Variants in KAZN observed in about 807,000 individuals in gnomAD.
KAZN encodes kazrin.
Under a neutral mutation model 87.4 loss-of-function variants are expected in KAZN, and 40 were observed. The observed-to-expected ratio is 0.46, with a 90% confidence interval of 0.36 to 0.60. The LOEUF is 0.60. Among genes scored for constraint, KAZN ranks in the 20% least tolerant of loss-of-function variants. KAZN has a pLI of 0.00. For synonymous variants in KAZN, 466 were observed against 458.3 expected (o/e 1.02, Z -0.22); for missense variants, 898 against 1,073.9 (o/e 0.84, Z 2.29).
intron 8 of KAZN, among the ~76,000 whole-genome samples, chr1:15,079,129 G>A (rs1639887050): frequency 1.3e-5 from 2 of 152,112 alleles, no homozygotes; most frequent in Admixed American, 1.3e-4. Context: ...TTGGCATCTG[G>A]CTCAGTGGTG....
At chr1:14,379,408 C>A (rs1355547992) in intron 2 of KAZN, among the ~76,000 whole-genome samples, 1 of 152,094 alleles carries the variant, frequency 6.6e-6, no homozygotes, top group African/African-American at 2.4e-5. Context: ...ACCTGCTCAG[C>A]CACAGAGAAG....
intron 1 of KAZN, among the ~76,000 whole-genome samples, chr1:14,694,590 C>A (rs894952304): frequency 3.3e-5 from 5 of 152,188 alleles, no homozygotes; most frequent in African/African-American, 1.2e-4. Context: ...AAATGACCAT[C>A]TAGGAGGAAG....
chr1:14,904,051 G>A (rs912277204), intron 1 of KAZN, among the ~76,000 whole-genome samples: 10 of 152,100 alleles, frequency 6.6e-5, no homozygotes, highest in Admixed American at 3.3e-4. Context: ...ACTGGTCAAC[G>A]GGTTGGTTAG....
At chr1:15,090,160 A>G (rs1005542620) in intron 8 of KAZN, among the ~76,000 whole-genome samples, 1 of 152,276 alleles carries the variant, frequency 6.6e-6, no homozygotes, top group Non-Finnish European at 1.5e-5. Context: ...GGAGGCTTCA[A>G]GGAATCTGCC....
At chr1:14,125,210 C>T (rs899304535) in intron 1 of KAZN, among the ~76,000 whole-genome samples, 1 of 152,142 alleles carries the variant, frequency 6.6e-6, no homozygotes, top group Non-Finnish European at 1.5e-5. Context: ...TGGCCTCTAC[C>T]CACTGGATGT....
At chr1:14,294,790 G>A (rs2100758418) in intron 2 of KAZN, among the ~76,000 whole-genome samples, 1 of 151,746 alleles carries the variant, frequency 6.6e-6, no homozygotes, top group African/African-American at 2.4e-5. Context: ...ACTCATGAGT[G>A]CTTTATGAAG....
At chr1:14,199,046 G>A (rs1425166126) in intron 2 of KAZN, among the ~76,000 whole-genome samples, 1 of 152,166 alleles carries the variant, frequency 6.6e-6, no homozygotes, top group African/African-American at 2.4e-5. Flanking sequence ...GTGACAGGTC[G>A]ATGATATGGG....
chr1:14,369,070 C>T (rs987726929), intron 2 of KAZN, among the ~76,000 whole-genome samples: 9 of 152,184 alleles, frequency 5.9e-5, no homozygotes, highest in Admixed American at 5.2e-4. Context: ...AGCTCACTAG[C>T]AACTGCTAGA....
At chr1:14,964,212 C>T (rs955231925) in intron 2 of KAZN, among the ~76,000 whole-genome samples, 1 of 152,144 alleles carries the variant, frequency 6.6e-6, no homozygotes, top group Non-Finnish European at 1.5e-5. Flanking sequence ...CTTTAACCTC[C>T]CTGCCCCATG....
chr1:14,049,097 A>T (rs1200813379), intron 1 of KAZN, among the ~76,000 whole-genome samples: 1 of 152,198 alleles, frequency 6.6e-6, no homozygotes, highest in Admixed American at 6.5e-5. Flanking sequence ...TGAATTAAGA[A>T]AATGTGGCAC....
intron 4 of KAZN, among the ~76,000 whole-genome samples, chr1:15,054,518 G>T (rs1018309813): frequency 5.3e-5 from 8 of 152,058 alleles, no homozygotes; most frequent in African/African-American, 1.4e-4. Flanking sequence ...TGGGCATGGT[G>T]GCAGGCGCCT....
Position 14,119,328 on chromosome 1 carries a change from G to A in KAZN, c.92-61107G>A, listed in dbSNP as rs548962720. On this transcript the variant is annotated intron_variant, in intron 1 of 16. Transcript: ENST00000636203. ...TCATAAGCTCAGCCCAGAAGCTCTGGGCAGATAAGAGACTTAAGTCAATTG... is the reference window on the plus strand; with the variant it reads ...TCATAAGCTCAGCCCAGAAGCTCTGAGCAGATAAGAGACTTAAGTCAATTG... Among the ~76,000 whole-genome samples, 251 of 152,198 alleles carry A rather than the reference G, an allele frequency of 1.6e-3. 3 individuals are homozygous for A. Among genetic ancestry groups the A allele is most frequent in the Non-Finnish European group, 2.9e-3 (195 of 68,002 alleles).
At chr1:14,925,119 A>T (rs564626873) in intron 1 of KAZN, among the ~76,000 whole-genome samples, 1 of 152,344 alleles carries the variant, frequency 6.6e-6, no homozygotes, top group Admixed American at 6.5e-5. Context: ...AAACGCAGTG[A>T]TCTAATTGCG....
At chr1:14,977,857 C>A (rs1665807529) in intron 2 of KAZN, among the ~76,000 whole-genome samples, 1 of 150,482 alleles carries the variant, frequency 6.6e-6, no homozygotes, top group African/African-American at 2.5e-5. Flanking sequence ...GTCTCTTAAG[C>A]CTTGCACCTG....
intron 1 of KAZN, among the ~76,000 whole-genome samples, chr1:14,030,396 C>T (rs1641267443): frequency 1.6e-5 from 2 of 125,226 alleles, no homozygotes; most frequent in East Asian, 2.3e-4. Context: ...CACATGGACA[C>T]GGGAAGGGGA....
At chr1:14,211,822 GC>G in intron 2 of KAZN, among the ~76,000 whole-genome samples, 1 of 151,982 alleles carries the variant, frequency 6.6e-6, no homozygotes, top group Non-Finnish European at 1.5e-5. Flanking sequence ...TTAACCCCAA[GC>G]TTTTTTTTTT....
At chr1:14,999,494 G>GCCC (rs1425034118) in intron 2 of KAZN, among the ~76,000 whole-genome samples, 6 of 132,788 alleles carry the variant, frequency 4.5e-5, no homozygotes, top group African/African-American at 1.8e-4. Context: ...GGCATTGCCT[G>GCCC]CCCCCCTCCC....
chr1:14,628,028 C>G (rs184634897), intron 1 of KAZN, among the ~76,000 whole-genome samples: 1 of 152,280 alleles, frequency 6.6e-6, no homozygotes, highest in African/African-American at 2.4e-5. Context: ...CCCTCTCTTT[C>G]CCAAGAAATA....
intron 1 of KAZN, among the ~76,000 whole-genome samples, chr1:14,647,260 T>C (rs1360658954): frequency 6.6e-6 from 1 of 152,174 alleles, no homozygotes; most frequent in South Asian, 2.1e-4. Flanking sequence ...TGCAGAATTA[T>C]GTAAAAGTAA....
Sources: gnomAD v4.1 joint callset for allele counts (sites outside exome capture counted in the v4.1 genomes callset) on GRCh38, gnomAD v4.1.1 for gene constraint, MANE v1.5 for transcripts, NCBI Gene and HGNC (gene_info 2026-07-23, HGNC 2026-07-21) for gene names.